PAQR3: variants seen among roughly 807,000 people sequenced by gnomAD.
PAQR3 encodes Raf kinase trapping to Golgi.
In PAQR3, 39 loss-of-function variants were observed where a neutral mutation model predicts 41.7. That is an observed-to-expected ratio of 0.93 (90% CI 0.72 to 1.22). The LOEUF is 1.22. Among genes scored for constraint, PAQR3 ranks in the 50% most tolerant of loss-of-function variants. The probability of loss-of-function intolerance (pLI) is 0.00; values close to 1 mark genes in which losing one functional copy is unlikely to be tolerated. For synonymous variants in PAQR3, 140 were observed against 140.6 expected (o/e 1.00, Z 0.03); for missense variants, 366 against 385.6 (o/e 0.95, Z 0.42).
At chr4:78,893,113 C>T (rs1733528854) in intron 11 of PAQR3, among the ~76,000 whole-genome samples, 1 of 152,172 alleles carries the variant, frequency 6.6e-6, no homozygotes, top group Admixed American at 6.5e-5. Context: ...CAAACCATAC[C>T]ATTGCTTTAT....
At chr4:78,908,392 T>G (rs1196113842), downstream of PAQR3, among the ~76,000 whole-genome samples, 6 of 152,224 alleles carry the variant, frequency 3.9e-5, no homozygotes, top group Admixed American at 3.9e-4. Flanking sequence ...TCTGTGACAT[T>G]GCACTCAGCT....
chr4:78,918,835 C>T lies in PAQR3; in HGVS notation c.*1704G>A, dbSNP rs1735361067. 1.0e-6 allele frequency: 1 copy of T among 984,288 alleles called. No homozygotes were observed. The highest frequency in any genetic ancestry group is 6.2e-5 in the Admixed American group (1 of 16,116). 61.0% of individuals were successfully genotyped at this position (984,288 alleles called of 1,614,324 possible). A position where few individuals can be genotyped will look rare whatever the true frequency, so the allele number is the denominator to read the frequency against. On this transcript the variant is annotated 3_prime_UTR_variant, in exon 6 of 6. Transcript: ENST00000512733. ...AAATGACAAAATATCTATTAAAAGG[C>T]AATAAAATCATGTAAGCCAATAAGG...
At chr4:78,938,633 C>T (rs959955470) in intron 1 of PAQR3, among the ~76,000 whole-genome samples, 1 of 152,012 alleles carries the variant, frequency 6.6e-6, no homozygotes, top group Admixed American at 6.6e-5. Flanking sequence ...TAACTTGTTT[C>T]CTATTATACA....
rs541823107 is a variant in PAQR3, at chr4:78,920,191, C to T, written c.*348G>A. 1.6e-5 allele frequency: 16 copies of T among 1,004,686 alleles called. No homozygotes were observed. The South Asian group carries it at 6.0e-4, about 38-fold the overall frequency. 62.2% of individuals were successfully genotyped at this position (1,004,686 alleles called of 1,614,324 possible). A position where few individuals can be genotyped will look rare whatever the true frequency, so the allele number is the denominator to read the frequency against. ...AATAATTAAGCACATAAGATGACTC[C>T]ATTTTCTAATGGACATGAGCCCTTC... On this transcript the variant is annotated 3_prime_UTR_variant, in exon 6 of 6. Coordinates refer to ENST00000512733, the MANE Select transcript of PAQR3 (RefSeq NM_001040202.2).
At chr4:78,929,824 T>G (rs1736651552) in intron 3 of PAQR3, among the ~76,000 whole-genome samples, 2 of 152,230 alleles carry the variant, frequency 1.3e-5, no homozygotes, top group African/African-American at 4.8e-5. Context: ...TAATTTTAAC[T>G]TCAATTCTAT....
rs1215677625 is a variant in PAQR3, at chr4:78,914,189, T to C, written c.*6350A>G. ...AGAAAAGGGGTAGAGGATGAACTAA[T>C]GTCTCCTTCAGATGTAAACATGAAA... On this transcript the variant is annotated 3_prime_UTR_variant, in exon 6 of 6. Coordinates refer to ENST00000512733, the MANE Select transcript of PAQR3 (RefSeq NM_001040202.2). 1 of 152,080 alleles carries C rather than the reference T, an allele frequency of 6.6e-6. No homozygotes were observed. Among genetic ancestry groups the C allele is most frequent in the Non-Finnish European group, 1.5e-5 (1 of 67,952 alleles). The allele number at this position is 152,080 out of a possible 1,614,324, so 9.4% of individuals were successfully genotyped here.
intron 11 of PAQR3, among the ~76,000 whole-genome samples, chr4:78,890,465 T>C (rs1260140608): frequency 6.6e-6 from 1 of 151,840 alleles, no homozygotes; most frequent in East Asian, 1.9e-4. Context: ...TTTGACACAG[T>C]TTTTGGTTGA....
chr4:78,906,644 C>T (rs899060133), intron 10 of PAQR3, among the ~76,000 whole-genome samples: 1 of 152,034 alleles, frequency 6.6e-6, no homozygotes, highest in African/African-American at 2.4e-5. Context: ...TGGATCTCAG[C>T]TCCTCTTGAA....
intron 11 of PAQR3, among the ~76,000 whole-genome samples, chr4:78,892,132 G>A (rs1165484498): frequency 6.6e-6 from 1 of 152,102 alleles, no homozygotes; most frequent in Non-Finnish European, 1.5e-5. Flanking sequence ...AATGTTACTT[G>A]TACTTTCTGT....
chr4:78,890,068 C>CT, intron 11 of PAQR3, among the ~76,000 whole-genome samples: 1 of 151,888 alleles, frequency 6.6e-6, no homozygotes, highest in Non-Finnish European at 1.5e-5. Flanking sequence ...TTAGTATATA[C>CT]TTTTTTCTGC....
At chr4:78,923,695 G>T in intron 5 of PAQR3, 162 bp downstream of exon 5, 1 of 644,210 alleles carries the variant, frequency 1.6e-6, no homozygotes, top group Non-Finnish European at 2.8e-6. Context: ...GAAAGGAAAA[G>T]TGAAAGCCCT....
intron 11 of PAQR3, among the ~76,000 whole-genome samples, chr4:78,905,341 A>G (rs1734232785): frequency 6.6e-6 from 1 of 151,982 alleles, no homozygotes; most frequent in African/African-American, 2.4e-5. Context: ...AACAGAAATA[A>G]AGAATATCTT....
Position 78,918,675 on chromosome 4 carries a change from C to A in PAQR3, c.*1864G>T. 1.0e-5 allele frequency: 10 copies of A among 955,412 alleles called. No homozygotes were observed. Among genetic ancestry groups the A allele is most frequent in the Non-Finnish European group, 1.2e-5 (10 of 802,742 alleles). 59.2% of individuals were successfully genotyped at this position (955,412 alleles called of 1,614,324 possible). ...ATGTATTCATATACTAATACAGGGA[C>A]TGCAAAAATTGAAATGATTCAATGT... On this transcript the variant is annotated 3_prime_UTR_variant, in exon 6 of 6. Transcript: ENST00000512733.
chr4:78,939,181 C>G lies in PAQR3; in HGVS notation c.44G>C (p.Gly15Ala), dbSNP rs1326217746. The change falls in exon 1 of 6, where the codon GGC becomes GCC. Residue 15 changes from glycine to alanine, a missense_variant. Coordinates refer to ENST00000512733, the MANE Select transcript of PAQR3 (RefSeq NM_001040202.2). ...CAGGACCGGCCAGTACTGGTAGCTG[C>G]CCAGCTCGATGTAATGCGCGCTCTT... Reference protein sequence around the residue: ...LLKSAHYIELGSYQYWPVLVP... With the variant: ...LLKSAHYIELASYQYWPVLVP... 1.9e-6 allele frequency: 3 copies of G among 1,610,606 alleles called. No individual in the cohort carries two copies. In the African/African-American group the frequency reaches 4.0e-5, roughly 22 times the overall value.
chr4:78,890,431 T>A (rs1733372315), intron 11 of PAQR3, among the ~76,000 whole-genome samples: 1 of 149,840 alleles, frequency 6.7e-6, no homozygotes, highest in Admixed American at 6.6e-5. Flanking sequence ...CACACACGTG[T>A]CCTGTCCTTA....
downstream of PAQR3, among the ~76,000 whole-genome samples, chr4:78,908,824 T>C (rs186864957): frequency 9.6e-4 from 146 of 152,290 alleles, no homozygotes; most frequent in Non-Finnish European, 1.1e-3. Context: ...GATATGTTGA[T>C]ACAGGTATAC....
intron 2 of PAQR3, among the ~76,000 whole-genome samples, chr4:78,934,045 G>A (rs560667008): frequency 1.6e-4 from 25 of 152,190 alleles, no homozygotes; most frequent in African/African-American, 6.0e-4. Flanking sequence ...TGGATTTCAA[G>A]GGATATTTTG....
rs367908921 is a variant in PAQR3, at chr4:78,927,100, C to T, written c.505-382G>A. Among the ~76,000 whole-genome samples, 50 of 152,154 alleles carry T rather than the reference C, an allele frequency of 3.3e-4. 1 individual carries two copies. In the South Asian group the frequency reaches 5.6e-3, roughly 17 times the overall value. ...AAGATTATAATCTTATGGTAGATAC[C>T]GTAATTGAGGAACAGAACATTGTAG... On this transcript the variant is annotated intron_variant, in intron 3 of 5. Transcript: ENST00000512733.
chr4:78,936,969 A>G (rs1012357966), intron 1 of PAQR3, among the ~76,000 whole-genome samples: 10 of 152,332 alleles, frequency 6.6e-5, no homozygotes, highest in African/African-American at 2.4e-4. Context: ...TGGGAAGGCA[A>G]GAACATCTCC....
Sources: gnomAD v4.1 joint callset for allele counts (sites outside exome capture counted in the v4.1 genomes callset) on GRCh38, gnomAD v4.1.1 for gene constraint, MANE v1.5 for transcripts, NCBI Gene and HGNC (gene_info 2026-07-23, HGNC 2026-07-21) for gene names.